Variants in NELL1 observed in about 807,000 individuals in gnomAD.
NELL1 encodes protein kinase C-binding protein NELL1.
Under a neutral mutation model 107.4 loss-of-function variants are expected in NELL1, and 76 were observed. The ratio of observed to expected loss-of-function variants is 0.71; its 90% CI spans 0.59 to 0.86. The LOEUF is 0.86. Among genes scored for constraint, NELL1 ranks in the 40% least tolerant of loss-of-function variants. The pLI is 0.00. For missense variants in NELL1, 1,024 were observed against 1,005.5 expected (o/e 1.02, Z -0.25); for synonymous variants, 353 against 341.2 (o/e 1.03, Z -0.38).
intron 12 of NELL1, among the ~76,000 whole-genome samples, chr11:21,031,909 G>A (rs1459503038): frequency 6.6e-6 from 1 of 151,940 alleles, no homozygotes; most frequent in African/African-American, 2.4e-5. Flanking sequence ...GCTGAGCATT[G>A]TGGTGCATGC....
intron 18 of NELL1, among the ~76,000 whole-genome samples, chr11:21,571,175 C>A (rs1857093340): frequency 6.6e-6 from 1 of 151,858 alleles, no homozygotes; most frequent in South Asian, 2.1e-4. Flanking sequence ...TGACAGTTTA[C>A]AGCTATTACT....
At chr11:21,532,709 G>A (rs965841141) in intron 15 of NELL1, among the ~76,000 whole-genome samples, 3 of 152,142 alleles carry the variant, frequency 2.0e-5, no homozygotes, top group Admixed American at 2.0e-4. Flanking sequence ...TTGCTGCTTT[G>A]TTACAGAGAG....
At chr11:21,398,187 A>C (rs1255821901) in intron 15 of NELL1, among the ~76,000 whole-genome samples, 1 of 151,640 alleles carries the variant, frequency 6.6e-6, no homozygotes, top group Non-Finnish European at 1.5e-5. Context: ...TTTTTGGCTT[A>C]CTCACCTGAG....
chr11:21,532,490 G>A (rs554540703), intron 15 of NELL1, among the ~76,000 whole-genome samples: 8 of 152,306 alleles, frequency 5.3e-5, no homozygotes, highest in African/African-American at 1.9e-4. Flanking sequence ...TAAAAGGGAA[G>A]TAGATATAAA....
At chr11:20,925,435 C>T (rs894372661) in intron 7 of NELL1, among the ~76,000 whole-genome samples, 32 of 139,502 alleles carry the variant, frequency 2.3e-4, no homozygotes, top group East Asian at 4.5e-4. Flanking sequence ...CTACCACACC[C>T]GGCTTTTTTT....
chr11:20,915,429 G>A (rs761934210), intron 5 of NELL1, among the ~76,000 whole-genome samples: 48 of 151,746 alleles, frequency 3.2e-4, no homozygotes, highest in Non-Finnish European at 6.2e-4. Flanking sequence ...TGAATGTTAA[G>A]CAGATACTCA....
intron 2 of NELL1, among the ~76,000 whole-genome samples, chr11:20,689,003 A>G (rs1303782098): frequency 2.0e-5 from 3 of 152,136 alleles, no homozygotes; most frequent in Non-Finnish European, 4.4e-5. Context: ...TTGGATTTGC[A>G]TCTCTCTAAT....
At chr11:21,121,751 C>T (rs536945398) in intron 13 of NELL1, among the ~76,000 whole-genome samples, 1 of 152,158 alleles carries the variant, frequency 6.6e-6, no homozygotes, top group East Asian at 1.9e-4. Flanking sequence ...CTACCTGTCA[C>T]ATACACAAAA....
intron 16 of NELL1, among the ~76,000 whole-genome samples, chr11:21,546,230 A>G (rs1223855223): frequency 6.6e-6 from 1 of 152,002 alleles, no homozygotes; most frequent in Non-Finnish European, 1.5e-5. Flanking sequence ...ATTCAGTCTC[A>G]GGGGAGATTC....
At chr11:21,389,901 A>G (rs1851830147) in intron 15 of NELL1, among the ~76,000 whole-genome samples, 1 of 151,764 alleles carries the variant, frequency 6.6e-6, no homozygotes, top group Non-Finnish European at 1.5e-5. Context: ...GGGTGACCAT[A>G]TGTATGTATT....
intron 3 of NELL1, among the ~76,000 whole-genome samples, chr11:20,795,453 A>G (rs1445555947): frequency 6.6e-6 from 1 of 152,204 alleles, no homozygotes; most frequent in Non-Finnish European, 1.5e-5. Flanking sequence ...AACAAAGATG[A>G]GTCTGTCTTG....
At chr11:21,381,399 G>A (rs1480615592) in intron 15 of NELL1, among the ~76,000 whole-genome samples, 1 of 151,872 alleles carries the variant, frequency 6.6e-6, no homozygotes, top group Admixed American at 6.6e-5. Context: ...TTTACTTAAC[G>A]TTTCTAAGTG....
At chr11:20,937,416 A>G (rs922456046) in intron 9 of NELL1, among the ~76,000 whole-genome samples, 6 of 152,220 alleles carry the variant, frequency 3.9e-5, no homozygotes, top group Non-Finnish European at 7.3e-5. Flanking sequence ...CCTTTCACCC[A>G]GTTCATTTTA....
intron 13 of NELL1, among the ~76,000 whole-genome samples, chr11:21,132,377 C>G (rs147506806): frequency 6.6e-6 from 1 of 152,160 alleles, no homozygotes; most frequent in East Asian, 1.9e-4. Context: ...CTCGTTCCAT[C>G]CTCTTGGCCC....
chr11:21,310,147 G>A (rs1219234950), intron 14 of NELL1, among the ~76,000 whole-genome samples: 1 of 151,974 alleles, frequency 6.6e-6, no homozygotes, highest in Non-Finnish European at 1.5e-5. Flanking sequence ...AGAAGAATGA[G>A]GTTCAAAATA....
chr11:21,437,263 A>G (rs1355974610), intron 15 of NELL1, among the ~76,000 whole-genome samples: 1 of 152,134 alleles, frequency 6.6e-6, no homozygotes, highest in Admixed American at 6.5e-5. Context: ...AGTTCTAATG[A>G]TATTTGCTTT....
chr11:21,269,522 G>C (rs969063464), intron 14 of NELL1, among the ~76,000 whole-genome samples: 5 of 152,014 alleles, frequency 3.3e-5, no homozygotes, highest in African/African-American at 1.2e-4. Flanking sequence ...ATGCAAACAA[G>C]AAGAGAAAGG....
At chr11:21,426,400 C>T (rs1852823404) in intron 15 of NELL1, among the ~76,000 whole-genome samples, 2 of 152,098 alleles carry the variant, frequency 1.3e-5, no homozygotes, top group Non-Finnish European at 2.9e-5. Context: ...TGAATGAATG[C>T]ATAATCATTA....
intron 14 of NELL1, among the ~76,000 whole-genome samples, chr11:21,262,234 G>T (rs1239177208): frequency 6.6e-6 from 1 of 151,710 alleles, no homozygotes; most frequent in Admixed American, 6.6e-5. Flanking sequence ...CCACAGTTTG[G>T]TTGATTTCCA....
Sources: allele counts gnomAD v4.1 joint callset (sites outside exome capture counted in the v4.1 genomes callset), GRCh38; gene constraint gnomAD v4.1.1; transcripts MANE v1.5; gene names NCBI Gene and HGNC (gene_info 2026-07-23, HGNC 2026-07-21).